TMEM132B: variants seen among roughly 807,000 people sequenced by gnomAD.
TMEM132B encodes transmembrane protein 132B.
Under a neutral mutation model 90.8 loss-of-function variants are expected in TMEM132B, and 18 were observed. The observed-to-expected ratio is 0.20, with a 90% CI of 0.14 to 0.29. The LOEUF is 0.29. Ranked by LOEUF, TMEM132B falls within the 10% of genes least tolerant of loss-of-function variation. TMEM132B has a pLI of 1.00. For missense variants in TMEM132B, 1,096 were observed against 1,326.8 expected (o/e 0.83, Z 2.70); for synonymous variants, 504 against 523.3 (o/e 0.96, Z 0.50).
At position 125,519,486 on chromosome 12, in the gene TMEM132B, A is replaced by G; in HGVS notation, c.1154A>G (p.Asp385Gly). Reference protein sequence around the residue: ...YEILQVDFGIDNSSDLAGAQQ... With the variant: ...YEILQVDFGIGNSSDLAGAQQ... ...ATCTTGCAAGTGGACTTTGGAATTGATAATAGCAGTGACCTGGCTGGGGCC... is the reference window on the plus strand; with the variant it reads ...ATCTTGCAAGTGGACTTTGGAATTGGTAATAGCAGTGACCTGGCTGGGGCC... Residue 385 changes from aspartate (D) to glycine (G), a missense_variant, in exon 4 of 9, where the codon GAT becomes GGT. Coordinates refer to ENST00000682704, the MANE Select transcript of TMEM132B (RefSeq NM_001366854.1). 6.2e-7 allele frequency: 1 copy of G among 1,614,060 alleles called. No individual in the cohort carries two copies. The highest frequency in any genetic ancestry group is 8.5e-7 in the Non-Finnish European group (1 of 1,179,984).
At chr12:125,353,885 T>G (rs1414511756) in intron 2 of TMEM132B, among the ~76,000 whole-genome samples, 1 of 152,218 alleles carries the variant, frequency 6.6e-6, no homozygotes, top group Non-Finnish European at 1.5e-5. Flanking sequence ...TCTTGGTAAG[T>G]AGAAACCCCT....
chr12:125,272,622 G>A (rs1874869733), intron 1 of TMEM132B, among the ~76,000 whole-genome samples: 1 of 152,188 alleles, frequency 6.6e-6, no homozygotes, highest in African/African-American at 2.4e-5. Context: ...CATGTGGCGC[G>A]GGCGGGTGCA....
At chr12:125,505,191 A>AAAAC (rs1882813950) in intron 3 of TMEM132B, among the ~76,000 whole-genome samples, 1 of 148,902 alleles carries the variant, frequency 6.7e-6, no homozygotes, top group Admixed American at 6.6e-5. Flanking sequence ...AAAAAAAAAA[A>AAAAC]AAAACAGTAA....
intron 3 of TMEM132B, among the ~76,000 whole-genome samples, chr12:125,444,126 C>A: frequency 6.6e-6 from 1 of 152,098 alleles, no homozygotes; most frequent in East Asian, 1.9e-4. Context: ...CTGTAACAGG[C>A]TAAAACACTC....
At chr12:125,435,830 T>C (rs552180795) in intron 3 of TMEM132B, among the ~76,000 whole-genome samples, 5 of 151,644 alleles carry the variant, frequency 3.3e-5, no homozygotes, top group Non-Finnish European at 7.4e-5. Flanking sequence ...ACAAGTGGAC[T>C]CCCCGGGGCA....
chr12:125,605,420 G>A (rs1486244890), intron 5 of TMEM132B, among the ~76,000 whole-genome samples: 2 of 152,266 alleles, frequency 1.3e-5, no homozygotes, highest in Middle Eastern at 3.4e-3. Flanking sequence ...CCATGTGCAT[G>A]GAAGAGCAGA....
chr12:125,477,078 T>A (rs549905362), intron 3 of TMEM132B, among the ~76,000 whole-genome samples: 1 of 152,146 alleles, frequency 6.6e-6, no homozygotes, highest in African/African-American at 2.4e-5. Context: ...CAGGAAAACA[T>A]TACTGCAATT....
Position 125,654,485 on chromosome 12 carries a change from C to T in TMEM132B, c.3027C>T (p.Val1009=). ...AACTACTCAGACCCTCTGACTATGT[C>T]TATGAGAAAGAAATTAAAAATGAAC... The part of the protein sequence containing the change: ...HSQLLRPSDY[V]YEKEIKNEPM... Residue 1009 remains valine (V), a synonymous_variant, in exon 9 of 9, where the codon GTC becomes GTT. Coordinates refer to ENST00000682704, the MANE Select transcript of TMEM132B (RefSeq NM_001366854.1). This position sits in a 1 kb window ranked among gnomAD's most constrained non-coding sequence, Gnocchi z 5.8. 1.2e-6 allele frequency: 2 copies of T among 1,613,828 alleles called. No homozygotes were observed. Among genetic ancestry groups the T allele is most frequent in the Non-Finnish European group, 1.7e-6 (2 of 1,180,018 alleles).
intron 5 of TMEM132B, among the ~76,000 whole-genome samples, chr12:125,608,721 T>C (rs985150416): frequency 6.6e-6 from 1 of 152,230 alleles, no homozygotes; most frequent in Non-Finnish European, 1.5e-5. Context: ...AGATCTTTAA[T>C]CATTTAGAAT....
intron 3 of TMEM132B, among the ~76,000 whole-genome samples, chr12:125,513,394 A>G (rs1260944891): frequency 2.6e-5 from 4 of 152,202 alleles, no homozygotes; most frequent in Admixed American, 2.0e-4. Context: ...GCGAGAGAGT[A>G]TCAACATTAT....
At chr12:125,529,098 C>T (rs1883577097) in intron 4 of TMEM132B, among the ~76,000 whole-genome samples, 1 of 150,760 alleles carries the variant, frequency 6.6e-6, no homozygotes, top group Non-Finnish European at 1.5e-5. Context: ...CTTCCTTCTT[C>T]TTTTGAGATA....
At position 125,492,264 on chromosome 12, in the gene TMEM132B, C is replaced by G. The variant is rs1186581344; in HGVS notation, c.1107-27175C>G. On this transcript the variant is annotated intron_variant, in intron 3 of 8. Transcript: ENST00000682704. The surrounding 1 kb of genome is among the most constrained non-coding windows in gnomAD (Gnocchi z 5.8). The stretch of plus-strand genomic sequence containing the variant: ...GCAAGTTACACCTGCCGTGGCAGCT[C>G]AGCCTTCCTCGTCTGTCTCTTGAAG... 6.6e-6 allele frequency among the ~76,000 whole-genome samples: 1 copy of G among 152,222 alleles called. No individual in the cohort carries two copies. The highest frequency in any genetic ancestry group is 2.4e-5 in the African/African-American group (1 of 41,452).
chr12:125,597,875 C>T (rs1203956082), intron 5 of TMEM132B, among the ~76,000 whole-genome samples: 1 of 152,126 alleles, frequency 6.6e-6, no homozygotes, highest in Non-Finnish European at 1.5e-5. Context: ...AATCAAGGCA[C>T]ATGGAGCTTG....
chr12:125,274,163 C>A (rs1268435649), intron 1 of TMEM132B, among the ~76,000 whole-genome samples: 5 of 152,098 alleles, frequency 3.3e-5, no homozygotes, highest in African/African-American at 1.2e-4. Context: ...TGGTGCCGCC[C>A]CTCTTTCACT....
chr12:125,359,284 AC>A (rs1390448410), intron 2 of TMEM132B, among the ~76,000 whole-genome samples: 2 of 152,158 alleles, frequency 1.3e-5, no homozygotes, highest in Non-Finnish European at 2.9e-5. Context: ...GTGTTCCTAC[AC>A]CCAATACAAT....
chr12:125,411,753 C>CAGACGGCA (rs1403495246), intron 2 of TMEM132B, among the ~76,000 whole-genome samples: 3 of 152,100 alleles, frequency 2.0e-5, no homozygotes, highest in Admixed American at 1.3e-4. Flanking sequence ...TCATCCCACC[C>CAGACGGCA]AGACGGCAAC....
intron 5 of TMEM132B, among the ~76,000 whole-genome samples, chr12:125,601,777 G>T (rs1486000719): frequency 6.7e-6 from 1 of 149,826 alleles, no homozygotes; most frequent in African/African-American, 2.5e-5. Context: ...ATGATAAAGG[G>T]GATATCACCA....
chr12:125,383,782 G>C (rs1467645440), intron 2 of TMEM132B, among the ~76,000 whole-genome samples: 2 of 152,218 alleles, frequency 1.3e-5, no homozygotes, highest in Admixed American at 6.5e-5. Context: ...ATCCAAGCTA[G>C]ATAGGCGAAG....
chr12:125,518,736 C>T (rs1005459724), intron 3 of TMEM132B, among the ~76,000 whole-genome samples: 6 of 152,338 alleles, frequency 3.9e-5, no homozygotes, highest in Middle Eastern at 6.8e-3. Context: ...TTCATAGCCC[C>T]CCCACCTGCA....
Sources: gnomAD v4.1 joint callset for allele counts (sites outside exome capture counted in the v4.1 genomes callset) on GRCh38, gnomAD v4.1.1 for gene constraint, Gnocchi (gnomAD v3.1) non-coding constraint, MANE v1.5 for transcripts, NCBI Gene and HGNC (gene_info 2026-07-23, HGNC 2026-07-21) for gene names.